Variants in EYS observed in about 807,000 individuals in gnomAD.
EYS encodes EGF-like photoreceptor maintenance factor.
In EYS, 250 loss-of-function variants were observed where a neutral mutation model predicts 282.1. The observed-to-expected ratio is 0.89, with a 90% CI of 0.80 to 0.98. The LOEUF (loss-of-function observed/expected upper bound fraction) is 0.98. Ranked by LOEUF, EYS falls within the 50% of genes least tolerant of loss-of-function variation. The probability of loss-of-function intolerance (pLI) is 0.00; values close to 1 mark genes in which losing one functional copy is unlikely to be tolerated. For missense variants in EYS, 4,016 were observed against 3,709.0 expected (o/e 1.08, Z -2.15); for synonymous variants, 1,355 against 1,282.9 (o/e 1.06, Z -1.20).
intron 24 of EYS, among the ~76,000 whole-genome samples, chr6:64,599,177 A>C (rs1047233051): frequency 6.6e-6 from 1 of 152,186 alleles, no homozygotes; most frequent in Non-Finnish European, 1.5e-5. Flanking sequence ...TGAAATAAGA[A>C]AGTTCTAATC....
intron 29 of EYS, among the ~76,000 whole-genome samples, chr6:64,326,670 TG>T (rs1770432278): frequency 2.0e-5 from 3 of 152,148 alleles, no homozygotes; most frequent in Non-Finnish European, 4.4e-5. Flanking sequence ...CCTTTACCTG[TG>T]GACTACAGCT....
chr6:65,362,588 T>G (rs1483468934), intron 8 of EYS, among the ~76,000 whole-genome samples: 1 of 151,748 alleles, frequency 6.6e-6, no homozygotes, highest in East Asian at 1.9e-4. Context: ...TACATATATG[T>G]ACGTATACAT....
At chr6:64,002,960 T>A (rs1290379577) in intron 33 of EYS, among the ~76,000 whole-genome samples, 1 of 152,204 alleles carries the variant, frequency 6.6e-6, no homozygotes, top group Non-Finnish European at 1.5e-5. Context: ...AAAACAAGAA[T>A]TAAAGAATTT....
Position 65,149,328 on chromosome 6 carries a change from G to A in EYS, c.2024-91601C>T, listed in dbSNP as rs569022978. On this transcript the variant is annotated intron_variant, in intron 12 of 42. Coordinates refer to ENST00000503581, the MANE Select transcript of EYS (RefSeq NM_001142800.2). ...AAGTTCCACAGATCTCTAGGGCAGG[G>A]GCAAAATGTCACCAAAATGATTTGC... Among the ~76,000 whole-genome samples, 23 of 152,118 alleles carry A rather than the reference G, an allele frequency of 1.5e-4. 1 individual carries two copies. In the South Asian group the frequency reaches 4.8e-3, roughly 32 times the overall value.
At chr6:64,404,376 T>TGA (rs913761090) in intron 28 of EYS, among the ~76,000 whole-genome samples, 2 of 74,140 alleles carry the variant, frequency 2.7e-5, no homozygotes, top group Non-Finnish European at 6.0e-5. Context: ...ATATAGAGTG[T>TGA]GAGAGTGTGT....
intron 1 of EYS, among the ~76,000 whole-genome samples, chr6:65,700,755 C>G (rs988436628): frequency 1.3e-5 from 2 of 152,152 alleles, no homozygotes; most frequent in Non-Finnish European, 2.9e-5. Flanking sequence ...TTCTTAATCC[C>G]CATCCCATCT....
intron 12 of EYS, among the ~76,000 whole-genome samples, chr6:65,120,484 A>AAAAAAAAAAAAAAAAAAAAAAAAAAAATT (rs1775509112): frequency 7.1e-6 from 1 of 140,036 alleles, no homozygotes; most frequent in Non-Finnish European, 1.6e-5. Context: ...AAAAAAAAAA[A>AAAAAAAAAAAAAAAAAAAAAAAAAAAATT]TCTTTGGTTC....
At chr6:63,827,442 T>C (rs939253871) in intron 36 of EYS, among the ~76,000 whole-genome samples, 1 of 152,150 alleles carries the variant, frequency 6.6e-6, no homozygotes, top group African/African-American at 2.4e-5. Flanking sequence ...ATACAGAACA[T>C]TTCATCCAAC....
chr6:65,322,689 G>A (rs1165689405), intron 11 of EYS, among the ~76,000 whole-genome samples: 1 of 151,800 alleles, frequency 6.6e-6, no homozygotes, highest in African/African-American at 2.4e-5. Flanking sequence ...CAGCTACTCA[G>A]GAGGCTGAGG....
intron 39 of EYS, among the ~76,000 whole-genome samples, chr6:63,781,233 C>T (rs1319373589): frequency 1.3e-5 from 2 of 152,152 alleles, no homozygotes; most frequent in Non-Finnish European, 2.9e-5. Context: ...GCAATATGGG[C>T]TCTTTTTTGG....
At chr6:64,377,614 T>C (rs1392181489) in intron 29 of EYS, among the ~76,000 whole-genome samples, 1 of 152,126 alleles carries the variant, frequency 6.6e-6, no homozygotes, top group East Asian at 1.9e-4. Context: ...ATAAGAGTAT[T>C]TACCAAAGGG....
intron 30 of EYS, among the ~76,000 whole-genome samples, chr6:64,248,605 GA>G (rs879443569): frequency 6.6e-6 from 1 of 152,122 alleles, no homozygotes. Flanking sequence ...AGGATACAGG[GA>G]AAAGGTAACT....
intron 22 of EYS, among the ~76,000 whole-genome samples, chr6:64,754,972 T>C (rs1772886398): frequency 6.6e-6 from 1 of 152,146 alleles, no homozygotes; most frequent in Admixed American, 6.5e-5. Context: ...AAATAAAAGA[T>C]ATCCAAACCG....
At chr6:64,035,390 A>C (rs1459182804) in intron 33 of EYS, among the ~76,000 whole-genome samples, 1 of 152,212 alleles carries the variant, frequency 6.6e-6, no homozygotes, top group Non-Finnish European at 1.5e-5. Flanking sequence ...TAGCCTTAAA[A>C]ATCTATGACT....
At chr6:64,020,658 G>A (rs1450682745) in intron 33 of EYS, among the ~76,000 whole-genome samples, 1 of 152,042 alleles carries the variant, frequency 6.6e-6, no homozygotes, top group African/African-American at 2.4e-5. Flanking sequence ...GGTGATTTTT[G>A]GGGATGGATT....
intron 35 of EYS, among the ~76,000 whole-genome samples, chr6:63,940,368 C>A (rs899602626): frequency 6.6e-6 from 1 of 151,780 alleles, no homozygotes; most frequent in Non-Finnish European, 1.5e-5. Context: ...GCTAGGCCAG[C>A]GGGTGTAAAA....
intron 15 of EYS, among the ~76,000 whole-genome samples, chr6:64,931,389 A>G (rs2150087238): frequency 6.6e-6 from 1 of 152,212 alleles, no homozygotes. Flanking sequence ...TGTATCCTTC[A>G]CTGAGACTCC....
At chr6:64,351,037 C>A (rs1394089533) in intron 29 of EYS, among the ~76,000 whole-genome samples, 2 of 150,202 alleles carry the variant, frequency 1.3e-5, no homozygotes, top group Non-Finnish European at 3.0e-5. Context: ...GCCTACCCAG[C>A]CATGTGAAAC....
At chr6:63,798,985 GTGTATATATA>G (rs1302590686) in intron 37 of EYS, among the ~76,000 whole-genome samples, 7 of 87,514 alleles carry the variant, frequency 8.0e-5, no homozygotes, top group South Asian at 4.0e-4. Flanking sequence ...ATGTATATGT[GTGTATATATA>G]TATATATATA....
Sources: gnomAD v4.1 joint callset for allele counts (sites outside exome capture counted in the v4.1 genomes callset) on GRCh38, gnomAD v4.1.1 for gene constraint, MANE v1.5 for transcripts, NCBI Gene and HGNC (gene_info 2026-07-23, HGNC 2026-07-21) for gene names.